PDE4D: variants seen among roughly 807,000 people sequenced by gnomAD.
PDE4D encodes 3',5'-cyclic-AMP phosphodiesterase 4D.
PDE4D carries 24 observed loss-of-function variants against 87.4 expected under a neutral mutation model. That is an observed-to-expected ratio of 0.27 (90% CI 0.20 to 0.39). The LOEUF (loss-of-function observed/expected upper bound fraction) is 0.39. PDE4D is among the 10% of genes least tolerant of loss of function. The pLI is 1.00. For synonymous variants in PDE4D, 384 were observed against 383.2 expected (o/e 1.00, Z -0.02); for missense variants, 714 against 1,041.0 (o/e 0.69, Z 4.32).
At chr5:59,171,472 T>C (rs1782750811) in intron 5 of PDE4D, among the ~76,000 whole-genome samples, 1 of 152,194 alleles carries the variant, frequency 6.6e-6, no homozygotes, top group Non-Finnish European at 1.5e-5. Context: ...GCTCAATGAT[T>C]TTCCACTGTC....
intron 5 of PDE4D, among the ~76,000 whole-genome samples, chr5:59,074,211 G>C (rs190751277): frequency 0.012 from 1,791 of 152,184 alleles, 17 homozygotes; most frequent in Non-Finnish European, 0.019. Context: ...AAGACTTTCT[G>C]TTTTGAAAAA....
intron 5 of PDE4D, among the ~76,000 whole-genome samples, chr5:59,156,331 A>ATATATATGTGTGTGTGTGTGTG (rs1384479557): frequency 1.6e-5 from 2 of 122,764 alleles, no homozygotes; most frequent in African/African-American, 6.8e-5. Flanking sequence ...ATATATATAT[A>ATATATATGTGTGTGTGTGTGTG]TGTGTGTGTG....
At chr5:59,603,581 G>A (rs1175694176) in intron 1 of PDE4D, among the ~76,000 whole-genome samples, 1 of 151,970 alleles carries the variant, frequency 6.6e-6, no homozygotes, top group Non-Finnish European at 1.5e-5. Context: ...ATAAAAAATA[G>A]TATGGAGGTT....
chr5:59,802,042 A>G (rs1767187251), intron 1 of PDE4D, among the ~76,000 whole-genome samples: 1 of 152,174 alleles, frequency 6.6e-6, no homozygotes, highest in South Asian at 2.1e-4. Context: ...TCTGAAAATA[A>G]TCTTCCAGAA....
chr5:59,948,881 T>C (rs1172737368), intron 3 of PDE4D, among the ~76,000 whole-genome samples: 1 of 152,236 alleles, frequency 6.6e-6, no homozygotes, highest in Non-Finnish European at 1.5e-5. Context: ...TACAATCTCC[T>C]TGGGCCCCAA....
intron 1 of PDE4D, among the ~76,000 whole-genome samples, chr5:59,820,369 A>C (rs1769494465): frequency 6.6e-6 from 1 of 152,262 alleles, no homozygotes; most frequent in African/African-American, 2.4e-5. Context: ...AAGTCAGCTC[A>C]GATGAGGCTC....
At chr5:59,320,334 C>A (rs1264285840) in intron 1 of PDE4D, among the ~76,000 whole-genome samples, 1 of 152,018 alleles carries the variant, frequency 6.6e-6, no homozygotes, top group South Asian at 2.1e-4. Context: ...TCTGGAAACA[C>A]AGGCTATACA....
At chr5:59,622,945 C>A (rs935976907) in intron 1 of PDE4D, among the ~76,000 whole-genome samples, 9 of 152,122 alleles carry the variant, frequency 5.9e-5, no homozygotes, top group Non-Finnish European at 1.3e-4. Context: ...GTGATCACCA[C>A]CCAGTAAGAA....
chr5:59,616,338 G>A (rs1579873317), intron 1 of PDE4D, among the ~76,000 whole-genome samples: 1 of 152,212 alleles, frequency 6.6e-6, no homozygotes, highest in African/African-American at 2.4e-5. Flanking sequence ...TTCACTTTAT[G>A]TACATGAGTG....
chr5:59,954,532 G>C (rs1419560017), intron 3 of PDE4D, among the ~76,000 whole-genome samples: 1 of 152,150 alleles, frequency 6.6e-6, no homozygotes, highest in East Asian at 1.9e-4. Context: ...TAACAAGTCA[G>C]AAATGGCCGT....
intron 2 of PDE4D, among the ~76,000 whole-genome samples, chr5:60,150,946 C>T (rs1176600709): frequency 6.6e-6 from 1 of 152,162 alleles, no homozygotes; most frequent in East Asian, 1.9e-4. Flanking sequence ...CTCATATAGA[C>T]ACTTTGTGGG....
intron 1 of PDE4D, among the ~76,000 whole-genome samples, chr5:59,609,171 A>C (rs1427223041): frequency 1.3e-5 from 2 of 152,064 alleles, no homozygotes; most frequent in Non-Finnish European, 1.5e-5. Flanking sequence ...ATTGGATGGG[A>C]AGTAGAAGGA....
intron 2 of PDE4D, among the ~76,000 whole-genome samples, chr5:60,049,965 C>T (rs1352258904): frequency 6.6e-6 from 1 of 152,136 alleles, no homozygotes; most frequent in East Asian, 1.9e-4. Flanking sequence ...CTCCCCCAGC[C>T]TCGCTGCCAC....
At chr5:59,713,936 G>C (rs976080323) in intron 1 of PDE4D, among the ~76,000 whole-genome samples, 1 of 152,212 alleles carries the variant, frequency 6.6e-6, no homozygotes, top group African/African-American at 2.4e-5. Flanking sequence ...CTTAGAAAAA[G>C]AGTTAGAGGC....
At chr5:59,018,708 C>T (rs35731466) in intron 6 of PDE4D, among the ~76,000 whole-genome samples, 15,257 of 152,046 alleles carry the variant, frequency 0.1, 996 homozygotes, top group Non-Finnish European at 0.13. Flanking sequence ...AAATAAGGTT[C>T]TAATAATTCA....
intron 1 of PDE4D, among the ~76,000 whole-genome samples, chr5:59,649,210 A>G (rs1742964369): frequency 6.6e-6 from 1 of 152,220 alleles, no homozygotes; most frequent in Non-Finnish European, 1.5e-5. Flanking sequence ...TGTACAAAAC[A>G]CAAGATTTTA....
intron 1 of PDE4D, among the ~76,000 whole-genome samples, chr5:60,257,001 CA>C (rs1749122077): frequency 6.6e-6 from 1 of 151,700 alleles, no homozygotes; most frequent in African/African-American, 2.4e-5. Flanking sequence ...GTAATCATTT[CA>C]TAATAAATAC....
At chr5:60,432,949 A>C (rs553353172) in intron 1 of PDE4D, among the ~76,000 whole-genome samples, 7 of 152,364 alleles carry the variant, frequency 4.6e-5, no homozygotes, top group Admixed American at 6.5e-5. Flanking sequence ...TTAGACACTT[A>C]AATGTAAAAT....
chr5:59,520,888 CACATAT>C (rs1294731502), intron 1 of PDE4D, among the ~76,000 whole-genome samples: 31 of 116,278 alleles, frequency 2.7e-4, no homozygotes, highest in African/African-American at 1.3e-3. Flanking sequence ...TACATATATA[CACATAT>C]ATACACATAT....
Sources: allele counts gnomAD v4.1 joint callset (sites outside exome capture counted in the v4.1 genomes callset), GRCh38; gene constraint gnomAD v4.1.1; transcripts MANE v1.5; gene names NCBI Gene and HGNC (gene_info 2026-07-23, HGNC 2026-07-21).